The following TMEM161A variants were observed in gnomAD, a reference collection of about 807,000 sequenced individuals.
TMEM161A encodes the protein adaptive response to oxidative stress protein 29.
TMEM161A carries 46 observed loss-of-function variants against 57.1 expected under a neutral mutation model. The ratio of observed to expected loss-of-function variants is 0.81; its 90% CI spans 0.64 to 1.03. The LOEUF is 1.03. Among genes scored for constraint, TMEM161A ranks in the 50% least tolerant of loss-of-function variants. TMEM161A has a pLI of 0.00. For synonymous variants in TMEM161A, 288 were observed against 279.0 expected (o/e 1.03, Z -0.32); for missense variants, 601 against 621.5 (o/e 0.97, Z 0.35).
rs781318143 is a variant in TMEM161A at position 19,120,165 on chromosome 19, A to G, written c.1205T>C (p.Leu402Pro). The stretch of plus-strand genomic sequence containing the variant: ...GGGGGATAGTAGAGGAGCTGGGCCC[A>G]GGCCCCAGGAATAGCCTCCTAGGAG... Reference protein sequence around the residue: ...LKTLGGYSWGLGPAPLLSPDP... With the variant: ...LKTLGGYSWGPGPAPLLSPDP... Residue 402 changes from leucine (L) to proline (P), a missense_variant, in exon 12 of 12, where the codon CTG becomes CCG. Physicochemically the swap from Leu to Pro is moderately conservative, Grantham distance 98. Transcript: ENST00000162044. 2.6e-6 allele frequency: 4 copies of G among 1,553,950 alleles called. No homozygotes were observed. The South Asian group carries it at 3.5e-5, about 14-fold the overall frequency.
chr19:19,128,092 C>T (rs1017899205), intron 6 of TMEM161A, among the ~76,000 whole-genome samples: 5 of 152,018 alleles, frequency 3.3e-5, no homozygotes, highest in Admixed American at 2.0e-4. Context: ...AGAGACAGGA[C>T]GTAAAATGGT....
rs898111836 is a variant in TMEM161A at position 19,119,871 on chromosome 19, G to C, written c.*59C>G. On this transcript the variant is annotated 3_prime_UTR_variant, in exon 12 of 12. Transcript: ENST00000162044. ...CACGGGGGCGCAAACAGAGGGGGCA[G>C]GCTAGTGTCCCGCTGCCCCAGGAAC... The C allele has an allele frequency of 4.6e-6, 7 of 1,528,926 alleles. No homozygotes were observed. The highest frequency in any genetic ancestry group is 5.3e-6 in the Non-Finnish European group (6 of 1,135,082). The allele number at this position is 1,528,926 out of a possible 1,614,324, so 94.7% of individuals were successfully genotyped here.
chr19:19,126,492 G>A (rs1175409459), intron 6 of TMEM161A, among the ~76,000 whole-genome samples: 1 of 152,170 alleles, frequency 6.6e-6, no homozygotes, highest in African/African-American at 2.4e-5. Context: ...TTGGAAGGCC[G>A]AGGCTGGCGA....
At chr19:19,130,440 G>T (rs2059953128) in intron 5 of TMEM161A, 133 bp from the exon 6 acceptor site, 1 of 1,177,196 alleles carries the variant, frequency 8.5e-7, no homozygotes. Flanking sequence ...TGACCTAGAG[G>T]AGTTCGGTTT....
Position 19,132,752 on chromosome 19 carries a change from C to T in TMEM161A, c.191G>A (p.Trp64Ter). ...CTTCTCCTCACTAAGGCCATTGGCCCACCTGGGAGGATGGTGACAAGCAAG... is the reference window on the plus strand; with the variant it reads ...CTTCTCCTCACTAAGGCCATTGGCCTACCTGGGAGGATGGTGACAAGCAAG... ...KPRPRGRKER[W>*]ANGLSEEKPL... The change falls in exon 4 of 12, where the codon TGG becomes TAG. Residue 64 changes from tryptophan (W) to a stop codon, truncating the protein, a stop_gained and splice_region_variant. Transcript: ENST00000162044. LOFTEE classifies it high-confidence loss of function. This position sits in a 1 kb window ranked among gnomAD's most constrained non-coding sequence, Gnocchi z 4.3. 2.0e-6 allele frequency: 3 copies of T among 1,534,404 alleles called. No individual in the cohort carries two copies. The highest frequency in any genetic ancestry group is 2.6e-6 in the Non-Finnish European group (3 of 1,140,684).
At chr19:19,122,877 G>C (rs2059917136) in intron 6 of TMEM161A, among the ~76,000 whole-genome samples, 2 of 151,940 alleles carry the variant, frequency 1.3e-5, no homozygotes, top group African/African-American at 4.8e-5. Context: ...CAACAGTCAA[G>C]TTTAGGCCTC....
At chr19:19,134,173 G>A (rs1599711372) in intron 2 of TMEM161A, among the ~76,000 whole-genome samples, 1 of 152,164 alleles carries the variant, frequency 6.6e-6, no homozygotes. Context: ...CAGAGCAGGC[G>A]AGCTCTAGCA....
intron 3 of TMEM161A, 107 bp downstream of exon 3, chr19:19,133,023 T>G: frequency 1.9e-6 from 2 of 1,027,350 alleles, no homozygotes; most frequent in Non-Finnish European, 2.8e-6. Flanking sequence ...GAAGTATGGG[T>G]GGGCCGGTCC....
chr19:19,132,658 C>T lies in TMEM161A; in HGVS notation c.285G>A (p.Leu95=). The stretch of plus-strand genomic sequence containing the variant: ...TTAGGGATGGGACTGGGCTATTACC[C>T]AGGGCATCCACGGTCGTGAGGGGGC... ...ETCPLTTVDA[L]VLRFFLEYQW... The change falls in exon 4 of 12, where the codon CTG becomes CTA. Residue 95 remains leucine, a splice_region_variant and synonymous_variant. Transcript: ENST00000162044. This position sits in a 1 kb window ranked among gnomAD's most constrained non-coding sequence, Gnocchi z 4.3. 5 of 1,567,112 alleles carry T rather than the reference C, an allele frequency of 3.2e-6. No homozygotes were observed. Among genetic ancestry groups the T allele is most frequent in the Non-Finnish European group, 4.3e-6 (5 of 1,155,796 alleles).
intron 6 of TMEM161A, among the ~76,000 whole-genome samples, chr19:19,127,620 C>A (rs954964547): frequency 7.2e-5 from 11 of 151,986 alleles, no homozygotes; most frequent in Non-Finnish European, 1.6e-4. Flanking sequence ...CCGTGCCTGG[C>A]AGTGTTCAGT....
rs747545931 is a variant in TMEM161A, at chr19:19,121,199, G to A, written c.915-33C>T. On this transcript the variant is annotated intron_variant, in intron 9 of 11. Coordinates refer to ENST00000162044, the MANE Select transcript of TMEM161A (RefSeq NM_017814.3). The surrounding 1 kb of genome is among the most constrained non-coding windows in gnomAD (Gnocchi z 5.8). The stretch of plus-strand genomic sequence containing the variant: ...GAGAGGGCCGGGGGCAAGGGACTAA[G>A]AAGGTCGCCCCCGACCCCCCAGGAT... The A allele has an allele frequency of 4.5e-6, 7 of 1,572,062 alleles. No homozygotes were observed. The highest frequency in any genetic ancestry group is 1.7e-4 in the Middle Eastern group (1 of 5,962).
At chr19:19,124,011 G>A (rs934803090) in intron 6 of TMEM161A, among the ~76,000 whole-genome samples, 9 of 151,336 alleles carry the variant, frequency 5.9e-5, no homozygotes, top group African/African-American at 9.7e-5. Context: ...CCGAGATTGC[G>A]CCACTGCACT....
intron 2 of TMEM161A, 165 bp from the exon 3 acceptor site, chr19:19,133,375 C>A (rs2059968847): frequency 1.6e-6 from 1 of 636,850 alleles, no homozygotes; most frequent in African/African-American, 1.8e-5. Flanking sequence ...AATCGTGAGA[C>A]CAACAGATCT....
At chr19:19,133,630 C>T (rs2059970340) in intron 2 of TMEM161A, among the ~76,000 whole-genome samples, 1 of 152,102 alleles carries the variant, frequency 6.6e-6, no homozygotes, top group Non-Finnish European at 1.5e-5. Flanking sequence ...CGCCACCATG[C>T]CCAGCTAATT....
chr19:19,132,638 GATGGGACTGGGCTATTACCCAGGGC>G lies in TMEM161A; in HGVS notation c.280_286+18del. 2 of 1,557,082 alleles carry G rather than the reference GATGGGACTGGGCTATTACCCAGGGC, an allele frequency of 1.3e-6. No individual in the cohort carries two copies. The highest frequency in any genetic ancestry group is 1.7e-6 in the Non-Finnish European group (2 of 1,150,328). On this transcript the variant is annotated splice_donor_variant and splice_donor_5th_base_variant and coding_sequence_variant and intron_variant, in exon 4 of 12. Transcript: ENST00000162044. LOFTEE classifies it high-confidence loss of function. The surrounding 1 kb of genome is among the most constrained non-coding windows in gnomAD (Gnocchi z 4.3). Reference sequence around the variant, plus strand: ...CAGGGCTGAGGGAGTAGAGTTTAGGGATGGGACTGGGCTATTACCCAGGGCATCCACGGTCGTGAGGGGGCAGGTC... The same window carrying G: ...CAGGGCTGAGGGAGTAGAGTTTAGGGATCCACGGTCGTGAGGGGGCAGGTC...
At chr19:19,136,098 AG>A (rs918054579) in intron 1 of TMEM161A, among the ~76,000 whole-genome samples, 1 of 151,684 alleles carries the variant, frequency 6.6e-6, no homozygotes, top group African/African-American at 2.4e-5. Flanking sequence ...TAAACGTTTT[AG>A]AAGAATCAGT....
rs752597547 is a variant in TMEM161A, at chr19:19,134,790, T to C, written c.101A>G (p.Asn34Ser). ...CCGCCGGGGCGGGGCTCACCTGCCG[T>C]TACAGAGCAGCCAGCGCGCGAAGGA... ...HCSFARWLLC[N>S]GSLFRYKHPS... Residue 34 changes from asparagine (N) to serine (S), a missense_variant, in exon 2 of 12, where the codon AAC (asparagine) becomes AGC (serine). Physicochemically the swap from Asn to Ser is conservative, Grantham distance 46. Transcript: ENST00000162044. 9 of 1,572,742 alleles carry C rather than the reference T, an allele frequency of 5.7e-6. No individual in the cohort carries two copies. The highest frequency in any genetic ancestry group is 7.7e-6 in the Non-Finnish European group (9 of 1,161,776).
rs1488825618 is a variant in TMEM161A at position 19,120,139 on chromosome 19, C to T, written c.1231G>A (p.Asp411Asn). 6.4e-7 allele frequency: 1 copy of T among 1,563,492 alleles called. No individual in the cohort carries two copies. The highest frequency in any genetic ancestry group is 8.7e-7 in the Non-Finnish European group (1 of 1,154,072). Residue 411 changes from aspartate (D) to asparagine (N), a missense_variant, in exon 12 of 12, where the codon GAC (aspartate) becomes AAC (asparagine). Asp to Asn is a conservative substitution (Grantham distance 23). Coordinates refer to ENST00000162044, the MANE Select transcript of TMEM161A (RefSeq NM_017814.3). The stretch of plus-strand genomic sequence containing the variant: ...GGGGCAGCGCTGGCTGAGGATGGGT[C>T]GGGGGATAGTAGAGGAGCTGGGCCC... ...GLGPAPLLSP[D>N]PSSASAAPIG...
rs368216845 is a variant in TMEM161A at position 19,130,181 on chromosome 19, C to G, written c.570G>C (p.Glu190Asp). ...LAMLVQVVREETLELGLEPGL... is the reference protein window; with the variant it reads ...LAMLVQVVREDTLELGLEPGL... ...CAGGCTCCAGGCCCAGCTCGAGGGTCTCCTCCCGCACCACTTGCACCAGCA... is the reference window on the plus strand; with the variant it reads ...CAGGCTCCAGGCCCAGCTCGAGGGTGTCCTCCCGCACCACTTGCACCAGCA... The change falls in exon 6 of 12, where the codon GAG (glutamate) becomes GAC (aspartate). Residue 190 changes from glutamate to aspartate, a missense_variant. By Grantham distance (45) the Glu-to-Asp change is conservative (BLOSUM62 2). Transcript: ENST00000162044. 8.0e-5 allele frequency: 129 copies of G among 1,613,766 alleles called. No homozygotes were observed. In the African/African-American group the frequency reaches 1.5e-3, roughly 19 times the overall value.
Sources: gnomAD v4.1 joint callset for allele counts (sites outside exome capture counted in the v4.1 genomes callset) on GRCh38, gnomAD v4.1.1 for gene constraint, Gnocchi (gnomAD v3.1) non-coding constraint, MANE v1.5 for transcripts, NCBI Gene and HGNC (gene_info 2026-07-23, HGNC 2026-07-21) for gene names.